The following PTPRH variants were observed in gnomAD, a reference collection of about 807,000 sequenced individuals.
PTPRH encodes the protein receptor-type tyrosine-protein phosphatase H.
PTPRH carries 113 observed loss-of-function variants against 130.2 expected under a neutral mutation model. The ratio of observed to expected loss-of-function variants is 0.87; its 90% CI spans 0.75 to 1.01. The LOEUF (loss-of-function observed/expected upper bound fraction) is 1.01, where lower values mean the gene tolerates loss of function less well. Among genes scored for constraint, PTPRH ranks in the 50% least tolerant of loss-of-function variants. The probability of loss-of-function intolerance (pLI) is 0.00; values close to 1 mark genes in which losing one functional copy is unlikely to be tolerated. For missense variants in PTPRH, 1,430 were observed against 1,425.0 expected, an observed-to-expected ratio of 1.00 and a Z score of -0.06; for synonymous variants, 556 against 577.9, an observed-to-expected ratio of 0.96 and a Z score of 0.54.
chr19:55,201,974 T>C, intron 6 of PTPRH, 82 bp downstream of exon 6: 1 of 1,568,746 alleles, frequency 6.4e-7, no homozygotes, highest in Non-Finnish European at 8.7e-7. Context: ...AGAGGGACTA[T>C]GGAATAGACA....
intron 6 of PTPRH, among the ~76,000 whole-genome samples, chr19:55,200,812 T>G (rs1022253967): frequency 9.2e-5 from 14 of 152,036 alleles, no homozygotes; most frequent in South Asian, 2.1e-4. Context: ...GCGTGGTGGC[T>G]GGTGCCTGTA....
At chr19:55,200,564 G>A in intron 6 of PTPRH, 62 bp from the exon 7 acceptor site, 1 of 1,542,630 alleles carries the variant, frequency 6.5e-7, no homozygotes, top group Non-Finnish European at 8.8e-7. Flanking sequence ...GGGCAGGAGT[G>A]GGCCCCTCAC....
chr19:55,193,344 T>C (rs758060393), intron 10 of PTPRH, among the ~76,000 whole-genome samples: 4 of 150,102 alleles, frequency 2.7e-5, no homozygotes, highest in South Asian at 2.1e-4. Context: ...GGCAGGAGGA[T>C]CACTTGAGCC....
intron 12 of PTPRH, 42 bp downstream of exon 12, chr19:55,191,459 G>C (rs772558246): frequency 6.2e-7 from 1 of 1,608,658 alleles, no homozygotes; most frequent in Non-Finnish European, 8.5e-7. Context: ...CCCTTGATTT[G>C]ACCAGATTCT....
intron 16 of PTPRH, 48 bp downstream of exon 16, chr19:55,186,176 CG>C: frequency 1.9e-6 from 3 of 1,580,488 alleles, no homozygotes; most frequent in Middle Eastern, 1.7e-4. Flanking sequence ...GATGAGTGTT[CG>C]GGGCGGGGTC....
chr19:55,207,341 G>C, intron 1 of PTPRH, 142 bp from the exon 2 acceptor site: 1 of 852,868 alleles, frequency 1.2e-6, no homozygotes, highest in Non-Finnish European at 1.8e-6. Context: ...AGGCTGGGCT[G>C]TCACGACCTC....
chr19:55,197,369 A>G lies in PTPRH; in HGVS notation c.1738T>C (p.Ser580Pro). 6.2e-7 allele frequency: 1 copy of G among 1,614,050 alleles called. No homozygotes were observed. The highest frequency in any genetic ancestry group is 8.5e-7 in the Non-Finnish European group (1 of 1,179,916). The change falls in exon 9 of 20, where the codon TCA becomes CCA. Residue 580 changes from serine (S) to proline (P), a missense_variant. Coordinates refer to ENST00000376350, the MANE Select transcript of PTPRH (RefSeq NM_002842.5). The part of the protein sequence containing the change: ...DLQNETQTKN[S>P]VMLWWKAPGD... ...GGGGCCTTCCACCACAGCATGACTG[A>G]GTTCTTAGTCTGAGTTTCATTCTGG...
At chr19:55,185,711 C>T (rs776876297) in intron 17 of PTPRH, 49 bp from the exon 18 acceptor site, 6 of 1,602,780 alleles carry the variant, frequency 3.7e-6, no homozygotes, top group Non-Finnish European at 4.3e-6. Context: ...GTAGGGAGGA[C>T]CTGGCTTCTA....
intron 10 of PTPRH, chr19:55,194,329 T>G (rs750278840): frequency 7.8e-7 from 1 of 1,280,528 alleles, no homozygotes; most frequent in South Asian, 1.3e-5. Context: ...GACAGGGAAC[T>G]GAAGGGTCTT....
At position 55,186,311 on chromosome 19, in the gene PTPRH, G is replaced by A. The variant is rs61735062; in HGVS notation, c.2692C>T (p.Gln898Ter). Reference protein sequence around the residue: ...EFIATQGPLPQTVGDFWRLVW... With the variant: ...EFIATQGPLP ...AGGCGCCAGAAGTCACCCACTGTCT[G>A]TGGCAGGGGACCCTGGGTTGCAATG... Residue 898 changes from glutamine (Q) to a stop codon, truncating the protein, a stop_gained, in exon 16 of 20, where the codon CAG becomes TAG. Transcript: ENST00000376350. LOFTEE classifies it high-confidence loss of function. The A allele has an allele frequency of 5.9e-4, 952 of 1,614,100 alleles. 12 individuals carry two copies. Among genetic ancestry groups the A allele is most frequent in the South Asian group, 2.3e-3 (211 of 91,090 alleles).
rs113536849 is a variant in PTPRH, at chr19:55,182,166, G to T, written c.3063-15C>A. ...CCACGCCAGCACTAGGCAGAACAAG[G>T]GAAGGGTCAGACCAAGGGGCAGGAG... On this transcript the variant is annotated splice_polypyrimidine_tract_variant and intron_variant, in intron 18 of 19. Coordinates refer to ENST00000376350, the MANE Select transcript of PTPRH (RefSeq NM_002842.5). 0.022 allele frequency: 35,616 copies of T among 1,612,138 alleles called. 1,032 individuals carry two copies. The highest frequency in any genetic ancestry group is 0.14 in the Admixed American group (8,221 of 59,976).
chr19:55,190,626 A>T (rs1393110338), intron 12 of PTPRH, among the ~76,000 whole-genome samples: 2 of 136,402 alleles, frequency 1.5e-5, no homozygotes, highest in Non-Finnish European at 3.1e-5. Flanking sequence ...ATTATAAATT[A>T]TATATATATA....
intron 13 of PTPRH, 63 bp downstream of exon 13, chr19:55,188,015 T>TG: frequency 1.0e-6 from 1 of 962,006 alleles, no homozygotes; most frequent in Non-Finnish European, 1.5e-6. Flanking sequence ...GGCCAGGGGG[T>TG]GGGGGGTGGG....
In PTPRH at chr19:55,185,890, C is replaced by T; in HGVS notation, c.2873G>A (p.Trp958Ter). 1 of 1,614,176 alleles carries T rather than the reference C, an allele frequency of 6.2e-7. No homozygotes were observed. The highest frequency in any genetic ancestry group is 8.5e-7 in the Non-Finnish European group (1 of 1,180,030). The change falls in exon 17 of 20, where the codon TGG (tryptophan) becomes TAG (stop). Residue 958 changes from tryptophan to a stop codon, truncating the protein, a stop_gained. Coordinates refer to ENST00000376350, the MANE Select transcript of PTPRH (RefSeq NM_002842.5). LOFTEE classifies it high-confidence loss of function. ...GAGGAGCAGCAGTTCCCGCACCGTC[C>T]AGTTCTCCATCACTTCCTCACCTAC... ...TLVGEEVMEN[W>*]TVRELLLLQV...
chr19:55,194,156 G>A, intron 10 of PTPRH: 7 of 1,288,440 alleles, frequency 5.4e-6, no homozygotes, highest in Non-Finnish European at 7.1e-6. Context: ...GGCTGATCTG[G>A]TGGTGTCTAT....
At chr19:55,189,652 C>T (rs911052616) in intron 12 of PTPRH, 10 of 455,734 alleles carry the variant, frequency 2.2e-5, no homozygotes, top group Non-Finnish European at 4.4e-5. Context: ...TCCTCTTAGT[C>T]ATCTTGTTAG....
intron 17 of PTPRH, 49 bp downstream of exon 17, chr19:55,185,813 T>C: frequency 1.2e-6 from 2 of 1,613,458 alleles, no homozygotes; most frequent in Non-Finnish European, 1.7e-6. Flanking sequence ...ATGCATGGCA[T>C]ATGTCACAGG....
chr19:55,197,818 A>T (rs2122139587), intron 8 of PTPRH, among the ~76,000 whole-genome samples: 1 of 152,264 alleles, frequency 6.6e-6, no homozygotes, highest in East Asian at 1.9e-4. Context: ...TCTTTCCCAC[A>T]GGAACCCCAG....
chr19:55,204,028 G>C lies in PTPRH; in HGVS notation c.640C>G (p.Leu214Val). ...CTGGTGGTCTGAGCCTCCACTCTCA[G>C]GTTCCTCACTGGGTTGTGAGCTGAG... ...ATTAHNPVRN[L>V]RVEAQTTSSI... The change falls in exon 5 of 20, where the codon CTG becomes GTG. Residue 214 changes from leucine to valine, a missense_variant. Leu to Val is a conservative substitution (Grantham distance 32). Coordinates refer to ENST00000376350, the MANE Select transcript of PTPRH (RefSeq NM_002842.5). 1 of 1,613,892 alleles carries C rather than the reference G, an allele frequency of 6.2e-7. No individual in the cohort carries two copies. Among genetic ancestry groups the C allele is most frequent in the East Asian group, 2.2e-5 (1 of 44,878 alleles).
Sources: allele counts gnomAD v4.1 joint callset (sites outside exome capture counted in the v4.1 genomes callset), GRCh38; gene constraint gnomAD v4.1.1; transcripts MANE v1.5; gene names NCBI Gene and HGNC (gene_info 2026-07-23, HGNC 2026-07-21).